PIAS1: variants seen among roughly 807,000 people sequenced by gnomAD.
PIAS1 encodes E3 SUMO-protein ligase PIAS1.
In PIAS1, 6 loss-of-function variants were observed where a neutral mutation model predicts 71.3. That is an observed-to-expected ratio of 0.08 (90% confidence interval 0.05 to 0.17). The LOEUF (loss-of-function observed/expected upper bound fraction) is 0.17. Ranked by LOEUF, PIAS1 falls within the 10% of genes least tolerant of loss-of-function variation. The pLI, the probability that PIAS1 is intolerant of heterozygous loss-of-function variation, is 1.00. For synonymous variants in PIAS1, 303 were observed against 292.9 expected, an observed-to-expected ratio of 1.03 and a Z score of -0.35; for missense variants, 555 against 793.6, an observed-to-expected ratio of 0.70 and a Z score of 3.61.
chr15:68,081,778 A>T (rs2140977357), intron 1 of PIAS1, among the ~76,000 whole-genome samples: 1 of 152,254 alleles, frequency 6.6e-6, no homozygotes, highest in Non-Finnish European at 1.5e-5. Flanking sequence ...CCTGTGTCTG[A>T]ATAATAAGTG....
rs1411946185 is a variant in PIAS1, at chr15:68,186,704, T to A, written c.1663-838T>A. Among the ~76,000 whole-genome samples the A allele has an allele frequency of 6.6e-6, 1 of 152,260 alleles. No homozygotes were observed. The highest frequency in any genetic ancestry group is 2.1e-4 in the South Asian group (1 of 4,836). On this transcript the variant is annotated intron_variant, in intron 13 of 13. Transcript: ENST00000249636. The surrounding 1 kb of genome is among the most constrained non-coding windows in gnomAD (Gnocchi z 4.4). Reference sequence around the variant, plus strand: ...TGCCCTATACAGGTGTATCATTTTTTTATCTTTTATACCATATTTTTACTG... The same window carrying A: ...TGCCCTATACAGGTGTATCATTTTTATATCTTTTATACCATATTTTTACTG...
At chr15:68,067,637 A>C (rs553699486) in intron 1 of PIAS1, among the ~76,000 whole-genome samples, 1 of 152,090 alleles carries the variant, frequency 6.6e-6, no homozygotes, top group Non-Finnish European at 1.5e-5. Context: ...ATAGATGCCT[A>C]TGTTGAATTA....
chr15:68,161,774 C>A (rs2092926183), intron 7 of PIAS1, among the ~76,000 whole-genome samples: 1 of 151,724 alleles, frequency 6.6e-6, no homozygotes, highest in African/African-American at 2.4e-5. Context: ...CTGCTAAATA[C>A]AAAAATTAGC....
intron 6 of PIAS1, among the ~76,000 whole-genome samples, chr15:68,151,084 A>G (rs1369487890): frequency 6.6e-6 from 1 of 151,778 alleles, no homozygotes; most frequent in Non-Finnish European, 1.5e-5. Context: ...AGTATAATAT[A>G]TATCAGTAGT....
At chr15:68,057,142 A>G (rs1250505773) in intron 1 of PIAS1, among the ~76,000 whole-genome samples, 1 of 152,232 alleles carries the variant, frequency 6.6e-6, no homozygotes, top group African/African-American at 2.4e-5. Context: ...ATAGATCTTT[A>G]TCCCCTGTAG....
intron 2 of PIAS1, among the ~76,000 whole-genome samples, chr15:68,129,592 C>T (rs1248951367): frequency 6.6e-6 from 1 of 150,542 alleles, no homozygotes; most frequent in Non-Finnish European, 1.5e-5. Context: ...AGATGAAGAA[C>T]CAAGAATTTA....
intron 1 of PIAS1, among the ~76,000 whole-genome samples, chr15:68,085,620 T>G (rs1198947648): frequency 6.6e-6 from 1 of 152,236 alleles, no homozygotes; most frequent in Non-Finnish European, 1.5e-5. Flanking sequence ...TACTCCTTAG[T>G]AGCTTTATGG....
intron 7 of PIAS1, among the ~76,000 whole-genome samples, chr15:68,160,444 C>T (rs2092917395): frequency 2.0e-5 from 3 of 152,194 alleles, no homozygotes; most frequent in Admixed American, 6.5e-5. Flanking sequence ...TATTTCCGGA[C>T]GTTATTCTTT....
At chr15:68,145,957 A>G (rs988719472) in intron 5 of PIAS1, 51 bp downstream of exon 5, 5 of 1,008,180 alleles carry the variant, frequency 5.0e-6, no homozygotes, top group African/African-American at 3.2e-5. Context: ...TAACTATCAA[A>G]TAAGTCATCA....
intron 2 of PIAS1, among the ~76,000 whole-genome samples, chr15:68,088,192 A>ATATATATATATATG (rs1185457039): frequency 7.0e-6 from 1 of 142,326 alleles, no homozygotes; most frequent in African/African-American, 2.6e-5. Flanking sequence ...ATATATATAT[A>ATATATATATATATG]TATATATATC....
intron 2 of PIAS1, among the ~76,000 whole-genome samples, chr15:68,117,771 G>T (rs2141016486): frequency 6.6e-6 from 1 of 152,184 alleles, no homozygotes; most frequent in South Asian, 2.1e-4. Flanking sequence ...TGGACATTTA[G>T]GTTGATTTCA....
intron 1 of PIAS1, among the ~76,000 whole-genome samples, chr15:68,056,332 T>C (rs909079910): frequency 5.3e-5 from 8 of 152,252 alleles, no homozygotes; most frequent in African/African-American, 1.9e-4. Flanking sequence ...TTGTTCTTTC[T>C]CATTTTAAGA....
chr15:68,186,304 T>C lies in PIAS1; in HGVS notation c.1663-1238T>C, dbSNP rs902803222. Among the ~76,000 whole-genome samples, 22 of 152,186 alleles carry C rather than the reference T, an allele frequency of 1.4e-4. No homozygotes were observed. The highest frequency in any genetic ancestry group is 4.3e-4 in the African/African-American group (18 of 41,438). On this transcript the variant is annotated intron_variant, in intron 13 of 13. Transcript: ENST00000249636. The surrounding 1 kb of genome is among the most constrained non-coding windows in gnomAD (Gnocchi z 4.4). ...CCTGTGTAGGCCTAGGCTAATGTGT[T>C]GTGTGTGTCATTTTTAACAAAAAAG...
chr15:68,157,009 GAC>G (rs1419138625), intron 7 of PIAS1, among the ~76,000 whole-genome samples: 1 of 152,194 alleles, frequency 6.6e-6, no homozygotes, highest in African/African-American at 2.4e-5. Flanking sequence ...GATAGAAGTT[GAC>G]AGTTTTGAGA....
At chr15:68,141,876 T>G (rs893138433) in intron 2 of PIAS1, 70 bp from the exon 3 acceptor site, 41 of 928,650 alleles carry the variant, frequency 4.4e-5, no homozygotes, top group African/African-American at 2.2e-4. Flanking sequence ...CATGTGTGTT[T>G]TTTTTTTTTG....
At chr15:68,118,579 C>T (rs559600148) in intron 2 of PIAS1, among the ~76,000 whole-genome samples, 3 of 152,120 alleles carry the variant, frequency 2.0e-5, no homozygotes, top group African/African-American at 4.8e-5. Flanking sequence ...TCGCCTCAAG[C>T]GATCCTCCCA....
At chr15:68,075,078 CTTTT>C (rs146114696) in intron 1 of PIAS1, among the ~76,000 whole-genome samples, 45 of 81,762 alleles carry the variant, frequency 5.5e-4, no homozygotes, top group Non-Finnish European at 8.8e-4. Context: ...TTCTTTCTTT[CTTTT>C]TTTTTTTTTT....
At chr15:68,083,146 T>TGTA (rs59060908) in intron 1 of PIAS1, among the ~76,000 whole-genome samples, 152,210 of 152,252 alleles carry the variant, frequency 1, 76,084 homozygotes, top group Middle Eastern at 1. Flanking sequence ...TTTATTTTGT[T>TGTA]GTGCTAACAA....
At chr15:68,123,828 T>G (rs1272790973) in intron 2 of PIAS1, among the ~76,000 whole-genome samples, 1 of 152,212 alleles carries the variant, frequency 6.6e-6, no homozygotes, top group African/African-American at 2.4e-5. Flanking sequence ...ATAAAATAGA[T>G]GTACCTTCAC....
Sources: gnomAD v4.1 joint callset for allele counts (sites outside exome capture counted in the v4.1 genomes callset) on GRCh38, gnomAD v4.1.1 for gene constraint, Gnocchi (gnomAD v3.1) non-coding constraint, MANE v1.5 for transcripts, NCBI Gene and HGNC (gene_info 2026-07-23, HGNC 2026-07-21) for gene names.